Variants in CLIC5 observed in about 807,000 individuals in gnomAD.
CLIC5 encodes chloride intracellular channel protein 5.
In CLIC5, 20 loss-of-function variants were observed where a neutral mutation model predicts 24.7. That is an observed-to-expected ratio of 0.81 (90% CI 0.57 to 1.18). The LOEUF (loss-of-function observed/expected upper bound fraction) is 1.18, where lower values mean the gene tolerates loss of function less well. Ranked by LOEUF, CLIC5 falls within the 50% of genes most tolerant of loss-of-function variation. CLIC5 has a pLI of 0.00. For synonymous variants in CLIC5, 159 were observed against 135.6 expected (o/e 1.17, Z -1.20); for missense variants, 341 against 326.1 (o/e 1.05, Z -0.35).
At chr6:45,918,976 C>T (rs1763142429) in intron 4 of CLIC5, 1 of 985,428 alleles carries the variant, frequency 1.0e-6, no homozygotes, top group African/African-American at 1.7e-5. Flanking sequence ...ATAGCTGGTC[C>T]TTAAACCATT....
intron 1 of CLIC5, among the ~76,000 whole-genome samples, chr6:45,959,946 G>A (rs1764792794): frequency 6.6e-6 from 1 of 151,864 alleles, no homozygotes; most frequent in African/African-American, 2.4e-5. Flanking sequence ...GCACATGCAT[G>A]ACTGGCTAGT....
the CLIC5 span, among the ~76,000 whole-genome samples, chr6:46,107,017 T>C: frequency 3.9e-5 from 6 of 152,346 alleles, no homozygotes; most frequent in Non-Finnish European, 7.3e-5. Flanking sequence ...TGTTTATATA[T>C]TGTCCCAACT....
At chr6:46,111,745 C>T in the CLIC5 span, among the ~76,000 whole-genome samples, 1 of 152,144 alleles carries the variant, frequency 6.6e-6, no homozygotes, top group African/African-American at 2.4e-5. Flanking sequence ...CCACCCAAAT[C>T]TCATCTTGAA....
At chr6:45,881,442 G>A (rs766890844) in intron 6 of CLIC5, among the ~76,000 whole-genome samples, 1 of 152,082 alleles carries the variant, frequency 6.6e-6, no homozygotes, top group African/African-American at 2.4e-5. Context: ...AGCTGAAGAA[G>A]GCCTTCCGGC....
the CLIC5 span, among the ~76,000 whole-genome samples, chr6:46,087,601 T>C: frequency 1.2e-3 from 177 of 152,218 alleles, no homozygotes; most frequent in African/African-American, 4.0e-3. Flanking sequence ...GTTTCTTCCC[T>C]TCTCATCCCC....
At chr6:46,124,544 A>T in the CLIC5 span, among the ~76,000 whole-genome samples, 4 of 152,214 alleles carry the variant, frequency 2.6e-5, no homozygotes, top group Admixed American at 6.5e-5. Context: ...AAACACCAAA[A>T]GCAACGGCAA....
the CLIC5 span, among the ~76,000 whole-genome samples, chr6:46,125,343 G>A: frequency 2.6e-5 from 4 of 152,056 alleles, no homozygotes; most frequent in Admixed American, 6.6e-5. Context: ...ACCAAACACC[G>A]CATGTTCTCA....
intron 4 of CLIC5, among the ~76,000 whole-genome samples, chr6:45,923,932 A>T (rs370166060): frequency 6.6e-6 from 1 of 152,164 alleles, no homozygotes; most frequent in Admixed American, 6.5e-5. Context: ...TTCTCTGCAA[A>T]GTGGAGATCA....
rs1762551260 is a variant in CLIC5, at chr6:45,903,067, G to T, written c.*21C>A. ...AGTGGTTGAGTCCTTCTGCAGCGGGGATGGGGCAAAATGGCTGTGCTCAGG... is the reference window on the plus strand; with the variant it reads ...AGTGGTTGAGTCCTTCTGCAGCGGGTATGGGGCAAAATGGCTGTGCTCAGG... On this transcript the variant is annotated 3_prime_UTR_variant, in exon 6 of 6. Transcript: ENST00000339561. The T allele has an allele frequency of 2.5e-6, 4 of 1,613,726 alleles. No individual in the cohort carries two copies. The African/African-American group carries it at 4.0e-5, about 16-fold the overall frequency.
chr6:46,021,453 T>C (rs1326056607), intron 1 of CLIC5, among the ~76,000 whole-genome samples: 1 of 152,226 alleles, frequency 6.6e-6, no homozygotes, highest in Non-Finnish European at 1.5e-5. Context: ...TGAAAACTTA[T>C]GTTTACATAA....
At chr6:45,907,238 G>T (rs71327224) in intron 5 of CLIC5, among the ~76,000 whole-genome samples, 4 of 152,108 alleles carry the variant, frequency 2.6e-5, no homozygotes, top group African/African-American at 9.7e-5. Flanking sequence ...TGTCATGAAG[G>T]GATGTTGAAT....
intron 1 of CLIC5, among the ~76,000 whole-genome samples, chr6:46,000,392 T>G (rs1375131795): frequency 6.6e-6 from 1 of 152,184 alleles, no homozygotes; most frequent in Non-Finnish European, 1.5e-5. Context: ...AGTATCCATC[T>G]GATTTGTGAC....
chr6:46,107,951 T>C, the CLIC5 span, among the ~76,000 whole-genome samples: 3 of 147,782 alleles, frequency 2.0e-5, no homozygotes, highest in Admixed American at 1.4e-4. Context: ...GGAGAATTGC[T>C]TGAACCCAGG....
chr6:46,124,446 A>T, the CLIC5 span, among the ~76,000 whole-genome samples: 1 of 152,234 alleles, frequency 6.6e-6, no homozygotes. Flanking sequence ...GGTGGACTTA[A>T]ATGTTAGTCC....
intron 6 of CLIC5, among the ~76,000 whole-genome samples, chr6:45,881,380 G>A (rs1213310210): frequency 6.6e-6 from 1 of 151,960 alleles, no homozygotes; most frequent in African/African-American, 2.4e-5. Flanking sequence ...ACAGAAAATG[G>A]GCTTTTCTCC....
At chr6:45,887,110 G>A (rs895535392) in intron 6 of CLIC5, among the ~76,000 whole-genome samples, 4 of 152,202 alleles carry the variant, frequency 2.6e-5, no homozygotes, top group African/African-American at 4.8e-5. Flanking sequence ...GTGGCAACAG[G>A]TCAGGGAAGG....
rs892505878 is a variant in CLIC5 at position 46,005,918 on chromosome 6, G to A, written c.63+9562C>T. On this transcript the variant is annotated intron_variant, in intron 1 of 5. Transcript: ENST00000339561. ...AGAAATAAATTTCTGTTGTTTATAA[G>A]CTACCTAGTTCATGGCATTTTGTCA... Among the ~76,000 whole-genome samples the A allele has an allele frequency of 6.0e-5, 9 of 149,252 alleles. No individual in the cohort carries two copies. In the East Asian group the frequency reaches 1.6e-3, roughly 26 times the overall value.
At chr6:46,008,062 G>A (rs1246601465) in intron 1 of CLIC5, among the ~76,000 whole-genome samples, 2 of 152,008 alleles carry the variant, frequency 1.3e-5, no homozygotes, top group East Asian at 1.9e-4. Flanking sequence ...ACTAAAGCAC[G>A]AAGTCCAGCT....
At chr6:46,126,717 C>T in the CLIC5 span, among the ~76,000 whole-genome samples, 17 of 152,298 alleles carry the variant, frequency 1.1e-4, no homozygotes, top group African/African-American at 3.8e-4. Flanking sequence ...CTTAAATACT[C>T]TCCTTGACAT....
Sources: gnomAD v4.1 joint callset for allele counts (sites outside exome capture counted in the v4.1 genomes callset) on GRCh38, gnomAD v4.1.1 for gene constraint, MANE v1.5 for transcripts, NCBI Gene and HGNC (gene_info 2026-07-23, HGNC 2026-07-21) for gene names.